Variants in TBC1D15 observed in about 807,000 individuals in gnomAD.
The protein encoded by TBC1D15 is TBC1 domain family member 15.
A neutral mutation model predicts 95.4 loss-of-function variants in TBC1D15; 39 were observed. The ratio of observed to expected loss-of-function variants is 0.41; its 90% CI spans 0.32 to 0.53. The LOEUF is 0.53. Among genes scored for constraint, TBC1D15 ranks in the 20% least tolerant of loss-of-function variants. TBC1D15 has a pLI of 0.29. For synonymous variants in TBC1D15, 258 were observed against 261.3 expected (o/e 0.99, Z 0.12); for missense variants, 733 against 794.3 (o/e 0.92, Z 0.93).
At chr12:71,862,391 T>C (rs1002504265) in intron 1 of TBC1D15, among the ~76,000 whole-genome samples, 6 of 152,294 alleles carry the variant, frequency 3.9e-5, no homozygotes, top group South Asian at 2.1e-4. Flanking sequence ...ACAGTTGTTA[T>C]ATCCTCTTGC....
intron 1 of TBC1D15, among the ~76,000 whole-genome samples, chr12:71,855,726 C>T (rs909456743): frequency 3.3e-5 from 5 of 150,138 alleles, no homozygotes; most frequent in Admixed American, 6.6e-5. Context: ...TGACCTTCCA[C>T]GTACCACCCC....
At chr12:71,896,383 C>G in intron 8 of TBC1D15, 1 of 430,592 alleles carries the variant, frequency 2.3e-6, no homozygotes. Flanking sequence ...ATTCCAGTGG[C>G]ATTTGCCTTA....
intron 11 of TBC1D15, among the ~76,000 whole-genome samples, chr12:71,908,312 G>C (rs1346461185): frequency 6.6e-6 from 1 of 152,170 alleles, no homozygotes; most frequent in Non-Finnish European, 1.5e-5. Context: ...CCAACAGCTT[G>C]TCTAACCATC....
intron 5 of TBC1D15, among the ~76,000 whole-genome samples, chr12:71,892,874 A>G (rs1897431858): frequency 6.6e-6 from 1 of 151,714 alleles, no homozygotes; most frequent in Non-Finnish European, 1.5e-5. Context: ...TATGATAATA[A>G]AGCCAGCTAT....
At chr12:71,898,417 AT>A (rs1480363869) in intron 10 of TBC1D15, among the ~76,000 whole-genome samples, 1 of 152,096 alleles carries the variant, frequency 6.6e-6, no homozygotes, top group Non-Finnish European at 1.5e-5. Flanking sequence ...CATTTTTAAA[AT>A]TAAATAAATG....
At chr12:71,905,818 C>T (rs1462098004) in intron 10 of TBC1D15, among the ~76,000 whole-genome samples, 4 of 151,990 alleles carry the variant, frequency 2.6e-5, no homozygotes, top group Non-Finnish European at 5.9e-5. Flanking sequence ...TCTAATTAAG[C>T]TCACATCATA....
chr12:71,897,476 T>A lies in TBC1D15; in HGVS notation c.1089-371T>A, dbSNP rs978223262. ...AATGGAACTATAATGTCACATTTTT[T>A]AAAAAAAAAGTCACTTAGATTTGTA... On this transcript the variant is annotated intron_variant, in intron 9 of 16. Coordinates refer to ENST00000485960, the MANE Select transcript of TBC1D15 (RefSeq NM_001146213.3). Among the ~76,000 whole-genome samples the A allele has an allele frequency of 7.3e-5, 11 of 151,532 alleles. No individual in the cohort carries two copies. The East Asian group carries it at 1.2e-3, about 16-fold the overall frequency.
intron 1 of TBC1D15, chr12:71,849,771 G>A: frequency 1.8e-6 from 1 of 552,020 alleles, no homozygotes; most frequent in Non-Finnish European, 3.5e-6. Flanking sequence ...TTCTCATCCA[G>A]GATCTCCAAA....
At chr12:71,868,371 G>A (rs965590672) in intron 1 of TBC1D15, among the ~76,000 whole-genome samples, 6 of 151,030 alleles carry the variant, frequency 4.0e-5, no homozygotes, top group African/African-American at 1.2e-4. Context: ...TCAGCCTCCC[G>A]AGTAGCTGGG....
rs1054337016 is a variant in TBC1D15, at chr12:71,923,591, T to C, written c.*387T>C. The C allele has an allele frequency of 6.0e-6, 1 of 167,848 alleles. No individual in the cohort carries two copies. Among genetic ancestry groups the C allele is most frequent in the African/African-American group, 2.4e-5 (1 of 41,722 alleles). 10.4% of individuals were successfully genotyped at this position (167,848 alleles called of 1,614,324 possible). ...AATGTGGAGGCTTTCTATAGCATTC[T>C]AAGCTGAGAAGTAGATTGTTACCCA... On this transcript the variant is annotated 3_prime_UTR_variant, in exon 17 of 17. Coordinates refer to ENST00000485960, the MANE Select transcript of TBC1D15 (RefSeq NM_001146213.3).
At chr12:71,921,481 G>C (rs760010610) in intron 16 of TBC1D15, 27 bp downstream of exon 16, 1 of 1,355,628 alleles carries the variant, frequency 7.4e-7, no homozygotes, top group Non-Finnish European at 9.9e-7. Flanking sequence ...GTAATTGCAA[G>C]ATTTGTTTGT....
intron 5 of TBC1D15, among the ~76,000 whole-genome samples, chr12:71,890,548 G>T (rs1897033612): frequency 6.6e-6 from 1 of 152,038 alleles, no homozygotes; most frequent in Admixed American, 6.6e-5. Context: ...ATAAAGAGCT[G>T]ACCTTCCTTT....
chr12:71,872,108 T>C lies in TBC1D15; in HGVS notation c.69T>C (p.Ser23=), dbSNP rs778662652. The change falls in exon 2 of 17, where the codon TCT becomes TCC. Residue 23 remains serine (S), a synonymous_variant. Transcript: ENST00000485960. The part of the protein sequence containing the change: ...YEQEGVYIHS[S]CGKTNDQDGL... ...AAGAAGGAGTATATATTCACTCATC[T>C]TGTGGAAAGACCAATGACCAAGACG... 3.2e-6 allele frequency: 5 copies of C among 1,574,906 alleles called. No individual in the cohort carries two copies. Among genetic ancestry groups the C allele is most frequent in the Non-Finnish European group, 4.3e-6 (5 of 1,163,170 alleles).
rs963183653 is a variant in TBC1D15 at position 71,859,142 on chromosome 12, G to A, written c.31-12928G>A. Among the ~76,000 whole-genome samples the A allele has an allele frequency of 2.5e-4, 38 of 151,602 alleles. 1 individual carries two copies. Among genetic ancestry groups the A allele is most frequent in the Admixed American group, 7.9e-4 (12 of 15,220 alleles). On this transcript the variant is annotated intron_variant, in intron 1 of 16. Transcript: ENST00000485960. Reference sequence around the variant, plus strand: ...CCATTTGTATGTTTTTTTTGTCATCGTCATTTTTAAATGTAGATACAGAGT... The same window carrying A: ...CCATTTGTATGTTTTTTTTGTCATCATCATTTTTAAATGTAGATACAGAGT...
chr12:71,894,567 A>C (rs2138691746), intron 6 of TBC1D15, 119 bp from the exon 7 acceptor site: 4 of 1,090,480 alleles, frequency 3.7e-6, no homozygotes, highest in Non-Finnish European at 5.2e-6. Context: ...ATCTTAGAAC[A>C]CTCTGTTTTA....
intron 14 of TBC1D15, among the ~76,000 whole-genome samples, chr12:71,920,044 A>T (rs1168133002): frequency 6.6e-6 from 1 of 152,074 alleles, no homozygotes; most frequent in East Asian, 1.9e-4. Context: ...GTATGATCTC[A>T]TGGTATGGTT....
chr12:71,878,135 T>C (rs190755885), intron 3 of TBC1D15, among the ~76,000 whole-genome samples: 57 of 152,342 alleles, frequency 3.7e-4, no homozygotes, highest in African/African-American at 1.3e-3. Context: ...GGCAGTATTC[T>C]GGCAAATGAG....
At chr12:71,839,947 G>T in intron 1 of TBC1D15, 136 bp downstream of exon 1, 1 of 1,108,628 alleles carries the variant, frequency 9.0e-7, no homozygotes, top group East Asian at 2.6e-5. Flanking sequence ...GGAGAAGACT[G>T]GGTGGTACCA....
At chr12:71,901,899 A>G (rs922008286) in intron 10 of TBC1D15, among the ~76,000 whole-genome samples, 5 of 152,204 alleles carry the variant, frequency 3.3e-5, no homozygotes, top group Admixed American at 1.3e-4. Context: ...AAGTTTCAGT[A>G]TACAAAATCG....
Sources: allele counts gnomAD v4.1 joint callset (sites outside exome capture counted in the v4.1 genomes callset), GRCh38; gene constraint gnomAD v4.1.1; transcripts MANE v1.5; gene names NCBI Gene and HGNC (gene_info 2026-07-23, HGNC 2026-07-21).